Variants in YPEL2 observed in about 807,000 individuals in gnomAD.
YPEL2 encodes protein yippee-like 2.
Under a neutral mutation model 19.1 loss-of-function variants are expected in YPEL2, and 2 were observed. The observed-to-expected ratio is 0.10, with a 90% CI of 0.04 to 0.33. YPEL2 has a LOEUF of 0.33. YPEL2 is among the 10% of genes least tolerant of loss of function. The pLI, the probability that YPEL2 is intolerant of heterozygous loss-of-function variation, is 1.00. For missense variants in YPEL2, 66 were observed against 140.7 expected, an observed-to-expected ratio of 0.47 and a Z score of 2.68; for synonymous variants, 52 against 50.0, an observed-to-expected ratio of 1.04 and a Z score of -0.17.
intron 2 of YPEL2, among the ~76,000 whole-genome samples, chr17:59,377,746 G>A (rs2047929410): frequency 6.6e-6 from 1 of 152,214 alleles, no homozygotes; most frequent in Non-Finnish European, 1.5e-5. Flanking sequence ...TGGAAGAGGT[G>A]TGGGAGAGGA....
At chr17:59,368,546 G>A (rs557615675) in intron 2 of YPEL2, among the ~76,000 whole-genome samples, 2 of 152,338 alleles carry the variant, frequency 1.3e-5, no homozygotes, top group East Asian at 3.9e-4. Context: ...GTGTTTAGAA[G>A]CATTTACTAA....
intron 1 of YPEL2, among the ~76,000 whole-genome samples, chr17:59,336,098 A>G (rs1410021719): frequency 2.0e-5 from 3 of 152,202 alleles, no homozygotes; most frequent in Non-Finnish European, 2.9e-5. Context: ...TAGACACTGG[A>G]TAAGTATTTG....
At chr17:59,348,314 G>A (rs1003089772) in intron 1 of YPEL2, among the ~76,000 whole-genome samples, 1 of 152,228 alleles carries the variant, frequency 6.6e-6, no homozygotes, top group Admixed American at 6.5e-5. Flanking sequence ...GTCAGTTTCC[G>A]TGGCTCGGCA....
intron 1 of YPEL2, among the ~76,000 whole-genome samples, chr17:59,347,064 G>A (rs553189076): frequency 3.9e-4 from 60 of 152,292 alleles, no homozygotes; most frequent in Non-Finnish European, 4.6e-4. Flanking sequence ...GCTATGCATG[G>A]GCGTTAGTGG....
At chr17:59,380,642 T>C (rs1050582184) in intron 2 of YPEL2, among the ~76,000 whole-genome samples, 3 of 152,140 alleles carry the variant, frequency 2.0e-5, no homozygotes, top group East Asian at 3.8e-4. Context: ...GACTAGAAAA[T>C]TGTGGCTCAG....
At chr17:59,356,843 G>C (rs1301151224) in intron 2 of YPEL2, among the ~76,000 whole-genome samples, 1 of 152,158 alleles carries the variant, frequency 6.6e-6, no homozygotes, top group Non-Finnish European at 1.5e-5. Context: ...GTCTCTCTCT[G>C]TCCTCTTTAT....
At chr17:59,394,799 A>AT (rs1290645446) in intron 4 of YPEL2, among the ~76,000 whole-genome samples, 1 of 152,220 alleles carries the variant, frequency 6.6e-6, no homozygotes, top group Non-Finnish European at 1.5e-5. Flanking sequence ...CCTGGGCACC[A>AT]TTGAGCACTG....
intron 2 of YPEL2, among the ~76,000 whole-genome samples, chr17:59,373,752 C>CA (rs763307690): frequency 1.3e-5 from 2 of 152,162 alleles, no homozygotes; most frequent in Non-Finnish European, 2.9e-5. Context: ...TAGTGGGACT[C>CA]AAAGCTGTTT....
chr17:59,369,631 T>TC (rs2047886951), intron 2 of YPEL2, among the ~76,000 whole-genome samples: 1 of 152,204 alleles, frequency 6.6e-6, no homozygotes, highest in South Asian at 2.1e-4. Context: ...TTAACGAGTA[T>TC]CCCTGTCCCG....
intron 2 of YPEL2, among the ~76,000 whole-genome samples, chr17:59,367,987 G>A (rs1029518430): frequency 6.6e-6 from 1 of 152,188 alleles, no homozygotes; most frequent in African/African-American, 2.4e-5. Flanking sequence ...GTGGCATTGA[G>A]CAAGTCACTT....
At chr17:59,382,903 A>G (rs1414660029) in intron 2 of YPEL2, among the ~76,000 whole-genome samples, 2 of 152,198 alleles carry the variant, frequency 1.3e-5, no homozygotes, top group Non-Finnish European at 2.9e-5. Context: ...TCGGCCTCCC[A>G]AAGTGCTGGG....
chr17:59,349,036 T>C (rs1426807721), intron 1 of YPEL2, among the ~76,000 whole-genome samples: 1 of 151,408 alleles, frequency 6.6e-6, no homozygotes, highest in Non-Finnish European at 1.5e-5. Context: ...TAGCCGGGCG[T>C]AGTGGCGGGC....
chr17:59,333,648 G>T (rs1402735843), intron 1 of YPEL2, among the ~76,000 whole-genome samples: 4 of 152,054 alleles, frequency 2.6e-5, no homozygotes, highest in Non-Finnish European at 4.4e-5. Context: ...TCAACTGCTG[G>T]TTATGACCCA....
At chr17:59,333,481 CCTT>C (rs1263848085) in intron 1 of YPEL2, among the ~76,000 whole-genome samples, 2 of 152,158 alleles carry the variant, frequency 1.3e-5, no homozygotes, top group African/African-American at 4.8e-5. Flanking sequence ...AAACTGTTTT[CCTT>C]CTTCCCTCTA....
intron 2 of YPEL2, among the ~76,000 whole-genome samples, chr17:59,379,439 C>T (rs922972422): frequency 5.9e-5 from 9 of 152,154 alleles, no homozygotes; most frequent in East Asian, 3.8e-4. Context: ...GGGGTTTAGA[C>T]GACACTCCAA....
chr17:59,349,395 G>A (rs1399019078), intron 1 of YPEL2, among the ~76,000 whole-genome samples: 6 of 127,022 alleles, frequency 4.7e-5, no homozygotes, highest in Non-Finnish European at 7.8e-5. Flanking sequence ...ACGGAGTCTC[G>A]CTCTGTCGTC....
At chr17:59,387,080 T>G (rs967532359) in intron 2 of YPEL2, among the ~76,000 whole-genome samples, 12 of 151,888 alleles carry the variant, frequency 7.9e-5, no homozygotes, top group African/African-American at 2.4e-4. Flanking sequence ...GCCAACATGG[T>G]GAAACCCTGT....
intron 2 of YPEL2, among the ~76,000 whole-genome samples, chr17:59,384,722 T>C (rs901672633): frequency 6.6e-6 from 1 of 152,142 alleles, no homozygotes; most frequent in Admixed American, 6.6e-5. Flanking sequence ...TGTCTGGGGG[T>C]TTGTCTTGCA....
At chr17:59,348,589 A>G (rs949722068) in intron 1 of YPEL2, among the ~76,000 whole-genome samples, 1 of 152,178 alleles carries the variant, frequency 6.6e-6, no homozygotes, top group East Asian at 1.9e-4. Context: ...AATATCTCAC[A>G]TATTTTCTTT....
Sources: allele counts gnomAD v4.1 joint callset (sites outside exome capture counted in the v4.1 genomes callset), GRCh38; gene constraint gnomAD v4.1.1; transcripts MANE v1.5; gene names NCBI Gene and HGNC (gene_info 2026-07-23, HGNC 2026-07-21).